The following CCDC141 variants were observed in gnomAD, a reference collection of about 807,000 sequenced individuals.
The protein encoded by CCDC141 is coiled-coil domain containing 141, also known as coiled-coil domain-containing protein 141.
Under a neutral mutation model 181.0 loss-of-function variants are expected in CCDC141, and 168 were observed. That is an observed-to-expected ratio of 0.93 (90% CI 0.82 to 1.05). The LOEUF (loss-of-function observed/expected upper bound fraction) is 1.05, where lower values mean the gene tolerates loss of function less well. Ranked by LOEUF, CCDC141 falls within the 50% of genes least tolerant of loss-of-function variation. The probability of loss-of-function intolerance (pLI) is 0.00; values close to 1 mark genes in which losing one functional copy is unlikely to be tolerated. For synonymous variants in CCDC141, 666 were observed against 642.3 expected, an observed-to-expected ratio of 1.04 and a Z score of -0.56; for missense variants, 1,902 against 1,788.5, an observed-to-expected ratio of 1.06 and a Z score of -1.14.
intron 19 of CCDC141, among the ~76,000 whole-genome samples, chr2:178,853,898 T>C (rs1034156972): frequency 6.6e-6 from 1 of 152,254 alleles, no homozygotes; most frequent in African/African-American, 2.4e-5. Flanking sequence ...CCTACCTTCT[T>C]AGGTTTGCCT....
At chr2:178,948,786 T>C (rs947949251) in intron 5 of CCDC141, among the ~76,000 whole-genome samples, 1 of 152,192 alleles carries the variant, frequency 6.6e-6, no homozygotes, top group Non-Finnish European at 1.5e-5. Context: ...TTGCCATGTG[T>C]TCTCTGCACA....
intron 2 of CCDC141, among the ~76,000 whole-genome samples, chr2:178,981,609 A>C (rs1263337598): frequency 8.8e-6 from 1 of 113,860 alleles, no homozygotes; most frequent in African/African-American, 3.3e-5. Flanking sequence ...CTTAAAGAAA[A>C]ATTTGTAGCA....
chr2:178,999,077 C>G (rs1033890612), intron 2 of CCDC141, among the ~76,000 whole-genome samples: 8 of 152,154 alleles, frequency 5.3e-5, no homozygotes, highest in Admixed American at 1.3e-4. Context: ...CAAGTGAACA[C>G]ATGAGCTCTT....
intron 4 of CCDC141, among the ~76,000 whole-genome samples, chr2:178,966,450 C>CT (rs1690637059): frequency 6.6e-6 from 1 of 152,180 alleles, no homozygotes; most frequent in African/African-American, 2.4e-5. Context: ...TGTTCTGCAG[C>CT]CTCCACTGGT....
At chr2:178,884,635 C>T (rs945030255) in intron 11 of CCDC141, among the ~76,000 whole-genome samples, 1 of 152,148 alleles carries the variant, frequency 6.6e-6, no homozygotes, top group East Asian at 1.9e-4. Context: ...CCCCAACCCC[C>T]CTTTGGAAAA....
At chr2:178,864,227 C>T (rs952129429) in intron 17 of CCDC141, among the ~76,000 whole-genome samples, 2 of 150,190 alleles carry the variant, frequency 1.3e-5, no homozygotes, top group South Asian at 2.1e-4. Flanking sequence ...GGAGGGAAAA[C>T]GGGAAGAAAG....
chr2:178,864,724 G>A (rs923015622), intron 17 of CCDC141, among the ~76,000 whole-genome samples: 7 of 152,172 alleles, frequency 4.6e-5, no homozygotes, highest in African/African-American at 4.8e-5. Flanking sequence ...TCAGAGCCAG[G>A]CCACCATTAA....
chr2:178,918,683 C>T (rs781770049), intron 7 of CCDC141, 30 bp downstream of exon 7: 30 of 1,534,684 alleles, frequency 2.0e-5, no homozygotes, highest in Admixed American at 9.9e-5. Context: ...GCCTGATTAC[C>T]GAAAATTATC....
chr2:179,030,094 A>G (rs930791374), intron 2 of CCDC141, among the ~76,000 whole-genome samples: 1 of 152,162 alleles, frequency 6.6e-6, no homozygotes, highest in Non-Finnish European at 1.5e-5. Flanking sequence ...TAGAGATCAT[A>G]TTCTTAAATA....
chr2:178,970,399 C>T (rs986006627), intron 4 of CCDC141, among the ~76,000 whole-genome samples: 5 of 152,164 alleles, frequency 3.3e-5, no homozygotes, highest in African/African-American at 9.7e-5. Context: ...AACAAAACAG[C>T]GTGATACTGG....
At chr2:178,993,739 T>C (rs184892835) in intron 2 of CCDC141, among the ~76,000 whole-genome samples, 40 of 152,324 alleles carry the variant, frequency 2.6e-4, no homozygotes, top group African/African-American at 9.4e-4. Context: ...CTTCTGCCTA[T>C]GAGCCTGTAA....
chr2:179,042,944 AAAAAT>A (rs770072994), intron 2 of CCDC141, among the ~76,000 whole-genome samples: 1 of 152,116 alleles, frequency 6.6e-6, no homozygotes, highest in Non-Finnish European at 1.5e-5. Flanking sequence ...CTTTTTGAAG[AAAAAT>A]AAAATAAAAT....
chr2:178,822,569 C>CTA, the CCDC141 span, among the ~76,000 whole-genome samples: 2 of 152,084 alleles, frequency 1.3e-5, no homozygotes, highest in Non-Finnish European at 2.9e-5. Flanking sequence ...AAAAGCATGA[C>CTA]ATTTTATAAA....
At chr2:179,031,750 TTTTCAACATGTTAATAAAAGTTTAA>T (rs1180015583) in intron 2 of CCDC141, among the ~76,000 whole-genome samples, 9 of 152,142 alleles carry the variant, frequency 5.9e-5, no homozygotes, top group African/African-American at 2.2e-4. Flanking sequence ...AAGTGTTTTC[TTTTCAACATGTTAATAAAAGTTTAA>T]TAGCCTATGG....
At chr2:178,947,753 A>G (rs1169429842) in intron 5 of CCDC141, among the ~76,000 whole-genome samples, 1 of 152,224 alleles carries the variant, frequency 6.6e-6, no homozygotes, top group Non-Finnish European at 1.5e-5. Context: ...GGTGGCAGGG[A>G]AACCTGCACT....
chr2:178,861,008 T>C (rs1685590310), intron 17 of CCDC141, among the ~76,000 whole-genome samples: 1 of 152,188 alleles, frequency 6.6e-6, no homozygotes, highest in African/African-American at 2.4e-5. Context: ...TTTAACCTTA[T>C]GGAATGGATG....
chr2:178,842,290 T>A (rs1227266470), intron 22 of CCDC141, among the ~76,000 whole-genome samples: 1 of 152,220 alleles, frequency 6.6e-6, no homozygotes, highest in African/African-American at 2.4e-5. Context: ...CTTTTTCTTT[T>A]CCCACCTTCT....
At position 178,837,312 on chromosome 2, in the gene CCDC141, T is replaced by C. The variant is rs762871121; in HGVS notation, c.3907A>G (p.Arg1303Gly). The stretch of plus-strand genomic sequence containing the variant: ...GCAGTACTCTTTTCCACGAATCCTC[T>C]GGAGGTTAGTGGGGGCTCAGCTTTG... ...QFKAEPPLTS[R>G]GFVEKSTALH... Residue 1303 changes from arginine (R) to glycine (G), a missense_variant, in exon 23 of 24, where the codon AGA (arginine) becomes GGA (glycine). Physicochemically the swap from Arg to Gly is moderately radical, Grantham distance 125. Transcript: ENST00000443758. 2.5e-6 allele frequency: 4 copies of C among 1,614,154 alleles called. No individual in the cohort carries two copies. The highest frequency in any genetic ancestry group is 3.3e-5 in the Admixed American group (2 of 60,018).
At chr2:178,871,987 C>T (rs1276299568) in intron 13 of CCDC141, 146 bp downstream of exon 13, 3 of 786,022 alleles carry the variant, frequency 3.8e-6, no homozygotes, top group South Asian at 2.0e-5. Flanking sequence ...AGTTTGACTA[C>T]AGGGACCTCA....
Sources: gnomAD v4.1 joint callset for allele counts (sites outside exome capture counted in the v4.1 genomes callset) on GRCh38, gnomAD v4.1.1 for gene constraint, MANE v1.5 for transcripts, NCBI Gene and HGNC (gene_info 2026-07-23, HGNC 2026-07-21) for gene names.